CTTNBP2: variants seen among roughly 807,000 people sequenced by gnomAD.
CTTNBP2 encodes the protein cortactin binding protein 2.
A neutral mutation model predicts 156.9 loss-of-function variants in CTTNBP2; 108 were observed. The ratio of observed to expected loss-of-function variants is 0.69; its 90% CI spans 0.59 to 0.81. CTTNBP2 has a LOEUF of 0.81. Ranked by LOEUF, CTTNBP2 falls within the 30% of genes least tolerant of loss-of-function variation. The pLI is 0.00. For synonymous variants in CTTNBP2, 767 were observed against 751.8 expected, an observed-to-expected ratio of 1.02 and a Z score of -0.33; for missense variants, 1,924 against 2,035.4, an observed-to-expected ratio of 0.95 and a Z score of 1.05.
At position 117,756,709 on chromosome 7, in the gene CTTNBP2, A is replaced by G. The variant is rs928199607; in HGVS notation, c.3269-75T>C. 2.1e-5 allele frequency: 20 copies of G among 975,274 alleles called. No homozygotes were observed. In the African/African-American group the frequency reaches 2.7e-4, roughly 13 times the overall value. The allele number at this position is 975,274 out of a possible 1,614,324, so 60.4% of individuals were successfully genotyped here. A position where few individuals can be genotyped will look rare whatever the true frequency, so the allele number is the denominator to read the frequency against. ...AAACGATCAAAACACAACAGAATCT[A>G]TCATAGAAGATGAATGTGTTTGTTG... On this transcript the variant is annotated intron_variant, in intron 11 of 22. Coordinates refer to ENST00000160373, the MANE Select transcript of CTTNBP2 (RefSeq NM_033427.3).
In CTTNBP2 at chr7:117,826,568, C is replaced by T. The variant is rs566716905; in HGVS notation, c.190-15579G>A. On this transcript the variant is annotated intron_variant, in intron 2 of 22. Transcript: ENST00000160373. Reference sequence around the variant, plus strand: ...CCCTAAAATAACAAATGTACAAAAGCCATTCACTTACTGAAGTTCTAAATC... The same window carrying T: ...CCCTAAAATAACAAATGTACAAAAGTCATTCACTTACTGAAGTTCTAAATC... Among the ~76,000 whole-genome samples the T allele has an allele frequency of 5.7e-4, 86 of 152,092 alleles. 1 individual carries two copies. In the South Asian group the frequency reaches 0.016, roughly 28 times the overall value.
chr7:117,864,691 TATATATTC>T (rs998583232), intron 1 of CTTNBP2, among the ~76,000 whole-genome samples: 11 of 114,860 alleles, frequency 9.6e-5, no homozygotes, highest in East Asian at 2.1e-4. Context: ...TATATATTCA[TATATATTC>T]ATATATTCAT....
chr7:117,855,022 T>C (rs1007818651), intron 2 of CTTNBP2, among the ~76,000 whole-genome samples: 2 of 152,032 alleles, frequency 1.3e-5, no homozygotes, highest in Non-Finnish European at 2.9e-5. Context: ...TGACCTCAAG[T>C]GATCCACCTG....
At chr7:117,846,403 A>G (rs979325601) in intron 2 of CTTNBP2, among the ~76,000 whole-genome samples, 17 of 152,144 alleles carry the variant, frequency 1.1e-4, no homozygotes, top group African/African-American at 3.6e-4. Flanking sequence ...TAAATCTTAA[A>G]GTCAGTAATT....
rs759597285 is a variant in CTTNBP2, at chr7:117,791,991, G to A, written c.1205C>T (p.Pro402Leu). 2 of 1,613,922 alleles carry A rather than the reference G, an allele frequency of 1.2e-6. No homozygotes were observed. The highest frequency in any genetic ancestry group is 1.7e-6 in the Non-Finnish European group (2 of 1,180,014). ...AGCGGTGGGAGGGGCAGCGTTACTGGGAAGTGGGGGTGTGCTACTGGTTGG... is the reference window on the plus strand; with the variant it reads ...AGCGGTGGGAGGGGCAGCGTTACTGAGAAGTGGGGGTGTGCTACTGGTTGG... ...PDPTSSTPPL[P>L]SNAAPPTAQT... The change falls in exon 4 of 23, where the codon CCC becomes CTC. Residue 402 changes from proline to leucine, a missense_variant. Coordinates refer to ENST00000160373, the MANE Select transcript of CTTNBP2 (RefSeq NM_033427.3).
intron 3 of CTTNBP2, among the ~76,000 whole-genome samples, chr7:117,799,823 T>C (rs1296142318): frequency 6.6e-6 from 1 of 152,066 alleles, no homozygotes; most frequent in African/African-American, 2.4e-5. Context: ...GATTACAGAA[T>C]ACAATGTGAA....
chr7:117,784,353 T>C lies in CTTNBP2; in HGVS notation c.2170A>G (p.Thr724Ala), dbSNP rs1041523396. 1 of 1,613,904 alleles carries C rather than the reference T, an allele frequency of 6.2e-7. No individual in the cohort carries two copies. The highest frequency in any genetic ancestry group is 1.3e-5 in the African/African-American group (1 of 75,038). Residue 724 changes from threonine (T) to alanine (A), a missense_variant, in exon 5 of 23, where the codon ACT (threonine) becomes GCT (alanine). Thr to Ala is a moderately conservative substitution (Grantham distance 58). Coordinates refer to ENST00000160373, the MANE Select transcript of CTTNBP2 (RefSeq NM_033427.3). Reference sequence around the variant, plus strand: ...TCATTAAGCAGCATTGATAATAAAGTGACATTTCCCTGGGCAGCAGCTTGC... The same window carrying C: ...TCATTAAGCAGCATTGATAATAAAGCGACATTTCCCTGGGCAGCAGCTTGC... Reference protein sequence around the residue: ...LQQAAAQGNVTLLSMLLNEEG... With the variant: ...LQQAAAQGNVALLSMLLNEEG...
chr7:117,764,534 T>C (rs1373851866), intron 9 of CTTNBP2, among the ~76,000 whole-genome samples: 4 of 152,224 alleles, frequency 2.6e-5, no homozygotes, highest in African/African-American at 7.2e-5. Flanking sequence ...GTGGTACTTA[T>C]AACAAATATA....
intron 12 of CTTNBP2, among the ~76,000 whole-genome samples, chr7:117,750,727 G>A (rs752863951): frequency 6.6e-6 from 1 of 152,118 alleles, no homozygotes; most frequent in Non-Finnish European, 1.5e-5. Flanking sequence ...TTGTTTTGAA[G>A]TTATCATATT....
intron 9 of CTTNBP2, 135 bp downstream of exon 9, chr7:117,766,924 C>T (rs1421454753): frequency 3.2e-6 from 2 of 628,846 alleles, no homozygotes; most frequent in African/African-American, 3.6e-5. Flanking sequence ...CACTTACAGT[C>T]AGTATTTTTG....
chr7:117,832,167 A>G (rs1197191194), intron 2 of CTTNBP2, among the ~76,000 whole-genome samples: 1 of 152,022 alleles, frequency 6.6e-6, no homozygotes, highest in African/African-American at 2.4e-5. Flanking sequence ...GTCCACAGAG[A>G]CATCACTTCC....
At chr7:117,827,675 A>G (rs150177204) in intron 2 of CTTNBP2, among the ~76,000 whole-genome samples, 6 of 152,314 alleles carry the variant, frequency 3.9e-5, no homozygotes, top group African/African-American at 1.4e-4. Context: ...TTGAGAAAAG[A>G]AATGGGGAAA....
chr7:117,722,564 ATCTT>A (rs1562951759), intron 19 of CTTNBP2, among the ~76,000 whole-genome samples: 1 of 152,182 alleles, frequency 6.6e-6, no homozygotes, highest in Non-Finnish European at 1.5e-5. Flanking sequence ...AAGTCTATTC[ATCTT>A]TTTTTACATT....
chr7:117,722,481 C>A (rs1794856050), intron 19 of CTTNBP2, among the ~76,000 whole-genome samples: 1 of 152,040 alleles, frequency 6.6e-6, no homozygotes, highest in Non-Finnish European at 1.5e-5. Flanking sequence ...CAAAGAAGTT[C>A]ATGCTTCAAA....
chr7:117,758,099 G>A (rs1299607788), intron 10 of CTTNBP2, 129 bp from the exon 11 acceptor site: 5 of 657,058 alleles, frequency 7.6e-6, no homozygotes, highest in South Asian at 3.9e-5. Context: ...AGGCATGTAC[G>A]GAACACATAT....
chr7:117,866,890 G>T (rs1804236663), intron 1 of CTTNBP2, among the ~76,000 whole-genome samples: 1 of 152,174 alleles, frequency 6.6e-6, no homozygotes, highest in Non-Finnish European at 1.5e-5. Context: ...AATAGTGCAT[G>T]CCAATAATAA....
At chr7:117,850,202 T>C (rs34646038) in intron 2 of CTTNBP2, among the ~76,000 whole-genome samples, 58 of 152,308 alleles carry the variant, frequency 3.8e-4, no homozygotes, top group African/African-American at 1.3e-3. Flanking sequence ...TAGTAGAATA[T>C]ACAATAGCCT....
Position 117,725,270 on chromosome 7 carries a change from G to A in CTTNBP2, c.4056-13C>T. 6.2e-7 allele frequency: 1 copy of A among 1,611,722 alleles called. No homozygotes were observed. Among genetic ancestry groups the A allele is most frequent in the Non-Finnish European group, 8.5e-7 (1 of 1,177,852 alleles). ...CTTAGACATCCACCTAGCAGGAGAG[G>A]GACCGATTCATCCCTTAGGAGCAGG... On this transcript the variant is annotated splice_polypyrimidine_tract_variant and intron_variant, in intron 17 of 22. Coordinates refer to ENST00000160373, the MANE Select transcript of CTTNBP2 (RefSeq NM_033427.3).
At position 117,719,189 on chromosome 7, in the gene CTTNBP2, G is replaced by A. The variant is rs963661474; in HGVS notation, c.4644+315C>T. Among the ~76,000 whole-genome samples the A allele has an allele frequency of 3.3e-5, 5 of 152,240 alleles. No homozygotes were observed. The East Asian group carries it at 5.8e-4, about 18-fold the overall frequency. On this transcript the variant is annotated intron_variant, in intron 21 of 22. Transcript: ENST00000160373. ...GCACTCCAGTCTGGGCGACAAGAGCGAAACTCCATCTCCAAAAATAAAAAA... is the reference window on the plus strand; with the variant it reads ...GCACTCCAGTCTGGGCGACAAGAGCAAAACTCCATCTCCAAAAATAAAAAA...
Sources: gnomAD v4.1 joint callset for allele counts (sites outside exome capture counted in the v4.1 genomes callset) on GRCh38, gnomAD v4.1.1 for gene constraint, MANE v1.5 for transcripts, NCBI Gene and HGNC (gene_info 2026-07-23, HGNC 2026-07-21) for gene names.